ZFHX3: variants seen among roughly 807,000 people sequenced by gnomAD.
ZFHX3 encodes the protein zinc finger homeobox protein 3.
Under a neutral mutation model 279.1 loss-of-function variants are expected in ZFHX3, and 42 were observed. The observed-to-expected ratio is 0.15, with a 90% CI of 0.12 to 0.19. ZFHX3 has a LOEUF of 0.19. Among genes scored for constraint, ZFHX3 ranks in the 10% least tolerant of loss-of-function variants. The pLI, the probability that ZFHX3 is intolerant of heterozygous loss-of-function variation, is 1.00. For synonymous variants in ZFHX3, 2,293 were observed against 1,957.8 expected, an observed-to-expected ratio of 1.17 and a Z score of -4.52; for missense variants, 4,981 against 4,754.0, an observed-to-expected ratio of 1.05 and a Z score of -1.40.
chr16:72,905,177 G>A (rs950268357), intron 3 of ZFHX3, among the ~76,000 whole-genome samples: 32 of 151,840 alleles, frequency 2.1e-4, no homozygotes, highest in Non-Finnish European at 4.4e-4. Flanking sequence ...ATTTCTACAC[G>A]GGGCTCTCTG....
intron 3 of ZFHX3, among the ~76,000 whole-genome samples, chr16:72,928,415 T>C (rs1335193682): frequency 2.0e-5 from 3 of 151,928 alleles, no homozygotes; most frequent in Admixed American, 2.0e-4. Context: ...TTTGAATACA[T>C]GCAAAAGCGC....
At chr16:73,585,652 TAAGG>T (rs2051918375) in intron 2 of ZFHX3, among the ~76,000 whole-genome samples, 1 of 152,034 alleles carries the variant, frequency 6.6e-6, no homozygotes, top group Non-Finnish European at 1.5e-5. Flanking sequence ...AAAGATGTGA[TAAGG>T]AAGGAAAGGC....
chr16:72,795,514 C>A lies in ZFHX3; in HGVS notation c.7168G>T (p.Ala2390Ser), dbSNP rs1485874032. ...GCTGATGGTGCTGGGGCGCTGTAAG[C>A]CTGTGAGGGCATCGGGGTACTGCAG... ...SSCSTPMPSQ[A>S]YSAPAPSANN... Residue 2390 changes from alanine (A) to serine (S), a missense_variant, in exon 9 of 10, where the codon GCT (alanine) becomes TCT (serine). Around this residue, in one of 7 missense-constraint regions of ZFHX3, gnomAD observed 744 missense variants for 701.3 expected, o/e 1.06. Transcript: ENST00000268489. 1 of 1,613,960 alleles carries A rather than the reference C, an allele frequency of 6.2e-7. No individual in the cohort carries two copies. Among genetic ancestry groups the A allele is most frequent in the African/African-American group, 1.3e-5 (1 of 74,896 alleles).
At chr16:73,013,187 A>G (rs1963974154) in intron 1 of ZFHX3, among the ~76,000 whole-genome samples, 1 of 152,112 alleles carries the variant, frequency 6.6e-6, no homozygotes, top group Non-Finnish European at 1.5e-5. Context: ...CCTTCAAGTG[A>G]CCTCTAAAGT....
At chr16:73,346,812 T>G (rs1358084415) in intron 3 of ZFHX3, among the ~76,000 whole-genome samples, 3 of 152,172 alleles carry the variant, frequency 2.0e-5, no homozygotes, top group Non-Finnish European at 2.9e-5. Context: ...ACCACAGACC[T>G]AGCCAAAGAG....
intron 2 of ZFHX3, among the ~76,000 whole-genome samples, chr16:73,644,457 C>T (rs183690456): frequency 2.0e-5 from 3 of 151,924 alleles, no homozygotes; most frequent in African/African-American, 7.3e-5. Flanking sequence ...GTCAGGAGTT[C>T]GAGACCAGCC....
At position 72,785,064 on chromosome 16, in the gene ZFHX3, C is replaced by T. The variant is rs1019345082; in HGVS notation, c.*2100G>A. 1 of 151,076 alleles carries T rather than the reference C, an allele frequency of 6.6e-6. No homozygotes were observed. The highest frequency in any genetic ancestry group is 2.4e-5 in the African/African-American group (1 of 41,374). The allele number at this position is 151,076 out of a possible 1,614,324, so 9.4% of individuals were successfully genotyped here. ...CAGTCTTCAAAGTTCCCTTTTGAAA[C>T]ATAAGGAAGAAAACGAAGGGAAGAA... On this transcript the variant is annotated 3_prime_UTR_variant, in exon 10 of 10. Transcript: ENST00000268489.
intron 2 of ZFHX3, among the ~76,000 whole-genome samples, chr16:73,567,531 C>T (rs1345304325): frequency 6.6e-6 from 1 of 152,226 alleles, no homozygotes; most frequent in Non-Finnish European, 1.5e-5. Context: ...TTTCTCTACA[C>T]ACAACATTCT....
intron 3 of ZFHX3, among the ~76,000 whole-genome samples, chr16:73,436,045 G>A (rs574250622): frequency 6.6e-6 from 1 of 152,208 alleles, no homozygotes; most frequent in Non-Finnish European, 1.5e-5. Flanking sequence ...AAGAAAAAGA[G>A]GTAGCCCGGC....
In ZFHX3 at chr16:73,603,849, G is replaced by A. The variant is rs191074665; in HGVS notation, c.-1547+76331C>T. ...AGTGCAGTGGCGTGGCATGATATCG[G>A]CTCACTGCAACCTCTGCCTCCCAGG... is the stretch of plus-strand genomic sequence containing the variant. On this transcript the variant is annotated intron_variant, in intron 2 of 17. Coordinates refer to the ZFHX3 transcript ENST00000641206. Among the ~76,000 whole-genome samples, 4 of 147,046 alleles carry A rather than the reference G, an allele frequency of 2.7e-5. No individual in the cohort carries two copies. In the South Asian group the frequency reaches 6.4e-4, roughly 24 times the overall value.
At chr16:73,799,347 G>A (rs1242460075) in intron 1 of ZFHX3, among the ~76,000 whole-genome samples, 3 of 152,180 alleles carry the variant, frequency 2.0e-5, no homozygotes, top group Non-Finnish European at 4.4e-5. Flanking sequence ...AACTCCATAG[G>A]TGAATTCCCA....
chr16:72,840,902 G>A (rs921094530), intron 4 of ZFHX3, among the ~76,000 whole-genome samples: 4 of 152,160 alleles, frequency 2.6e-5, no homozygotes, highest in African/African-American at 9.7e-5. Flanking sequence ...ACCAAATCTG[G>A]GGAACAGAAA....
intron 2 of ZFHX3, among the ~76,000 whole-genome samples, chr16:73,581,348 C>T (rs766355124): frequency 6.6e-6 from 1 of 151,822 alleles, no homozygotes; most frequent in Non-Finnish European, 1.5e-5. Flanking sequence ...AAAATTTCAA[C>T]TATAGCAGTT....
chr16:72,806,510 C>T (rs2036272377), intron 7 of ZFHX3, among the ~76,000 whole-genome samples: 1 of 152,180 alleles, frequency 6.6e-6, no homozygotes, highest in South Asian at 2.1e-4. Flanking sequence ...GCTATCATCT[C>T]ACAGGGCTTG....
chr16:73,654,900 G>A (rs4307976), intron 2 of ZFHX3, among the ~76,000 whole-genome samples: 93,008 of 137,988 alleles, frequency 0.67, 31,077 homozygotes, highest in Middle Eastern at 0.85. Flanking sequence ...TCACTGTGTC[G>A]CCCAGGTTGG....
intron 3 of ZFHX3, among the ~76,000 whole-genome samples, chr16:72,900,136 C>CAAAAAAAAA (rs10669734): frequency 4.7e-5 from 3 of 63,394 alleles, no homozygotes; most frequent in East Asian, 4.2e-4. Flanking sequence ...ATGCCCTTGC[C>CAAAAAAAAA]AAAAAAAAAA....
At chr16:73,111,611 C>T (rs1567391457) in intron 7 of ZFHX3, among the ~76,000 whole-genome samples, 1 of 135,224 alleles carries the variant, frequency 7.4e-6, no homozygotes, top group South Asian at 2.4e-4. Context: ...GAAAGAAAGA[C>T]AGAAAGAAAG....
chr16:73,863,926 T>A (rs894408681), intron 1 of ZFHX3, among the ~76,000 whole-genome samples: 2 of 152,200 alleles, frequency 1.3e-5, no homozygotes, highest in African/African-American at 4.8e-5. Flanking sequence ...AGAAAAATGA[T>A]CACGCTCTTT....
intron 1 of ZFHX3, among the ~76,000 whole-genome samples, chr16:73,684,332 G>T (rs1483814247): frequency 6.7e-6 from 1 of 149,194 alleles, no homozygotes; most frequent in Non-Finnish European, 1.5e-5. Flanking sequence ...GCATGTGTGT[G>T]TGTTTGTGTG....
Sources: allele counts gnomAD v4.1 joint callset (sites outside exome capture counted in the v4.1 genomes callset), GRCh38; gene constraint gnomAD v4.1.1; regional missense constraint gnomAD v4.1.1; transcripts MANE v1.5; gene names NCBI Gene and HGNC (gene_info 2026-07-23, HGNC 2026-07-21).